Variants in AQP9 observed in about 807,000 individuals in gnomAD.
AQP9 encodes aquaporin-9.
In AQP9, 19 loss-of-function variants were observed where a neutral mutation model predicts 23.8. The observed-to-expected ratio is 0.80, with a 90% CI of 0.56 to 1.17. AQP9 has a LOEUF of 1.17. AQP9 is among the 50% of genes most tolerant of loss of function. AQP9 has a pLI of 0.00. For synonymous variants in AQP9, 153 were observed against 131.5 expected, an observed-to-expected ratio of 1.16 and a Z score of -1.12; for missense variants, 413 against 362.0, an observed-to-expected ratio of 1.14 and a Z score of -1.14.
At chr15:58,179,051 G>C in intron 4 of AQP9, 77 bp from the exon 5 acceptor site, 1 of 1,030,268 alleles carries the variant, frequency 9.7e-7, no homozygotes, top group Non-Finnish European at 1.5e-6. Flanking sequence ...TTGTAAAATA[G>C]TAAGAAGGGA....
At position 58,185,605 on chromosome 15, in the gene AQP9, A is replaced by G. The variant is rs1461629482; in HGVS notation, c.*1470A>G. On this transcript the variant is annotated 3_prime_UTR_variant, in exon 6 of 6. Coordinates refer to ENST00000219919, the MANE Select transcript of AQP9 (RefSeq NM_020980.5). ...ACATTCAGGGGATTTCCTCTGGCTC[A>G]GTCTTTTCCCCTTGAAGTTCTCTAA... 3 of 152,220 alleles carry G rather than the reference A, an allele frequency of 2.0e-5. No homozygotes were observed. The highest frequency in any genetic ancestry group is 4.4e-5 in the Non-Finnish European group (3 of 68,044). The allele number at this position is 152,220 out of a possible 1,614,324, so 9.4% of individuals were successfully genotyped here. A position where few individuals can be genotyped will look rare whatever the true frequency, so the allele number is the denominator to read the frequency against.
chr15:58,171,331 C>G (rs1197204131), intron 2 of AQP9, among the ~76,000 whole-genome samples: 4 of 152,130 alleles, frequency 2.6e-5, no homozygotes, highest in African/African-American at 9.7e-5. Flanking sequence ...TTGTGATCCA[C>G]CCAACTCAGC....
At chr15:58,171,055 G>A (rs182188664) in intron 2 of AQP9, among the ~76,000 whole-genome samples, 257 of 151,386 alleles carry the variant, frequency 1.7e-3, no homozygotes, top group African/African-American at 5.9e-3. Context: ...CTCCTGAGTA[G>A]CCAGGATCAC....
In AQP9 at chr15:58,175,017, C is replaced by A. The variant is rs146866709; in HGVS notation, c.476C>A (p.Ala159Glu). Residue 159 changes from alanine to glutamate, a missense_variant, in exon 4 of 6, where the codon GCG becomes GAG. By Grantham distance (107) the Ala-to-Glu change is moderately radical (BLOSUM62 -1). Transcript: ENST00000219919. ...ATYPAPYLSL[A>E]NAFADQVVAT... Reference sequence around the variant, plus strand: ...TACCCAGCTCCGTATCTATCTCTGGCGAACGCATTTGCAGATCAAGTAAGT... The same window carrying A: ...TACCCAGCTCCGTATCTATCTCTGGAGAACGCATTTGCAGATCAAGTAAGT... The A allele has an allele frequency of 1.2e-6, 2 of 1,613,492 alleles. No individual in the cohort carries two copies. The highest frequency in any genetic ancestry group is 1.7e-6 in the Non-Finnish European group (2 of 1,179,524).
At chr15:58,174,111 T>C (rs1462174486) in intron 3 of AQP9, among the ~76,000 whole-genome samples, 4 of 151,584 alleles carry the variant, frequency 2.6e-5, no homozygotes, top group African/African-American at 9.7e-5. Flanking sequence ...TAGGGATACC[T>C]CGTCTCTTCA....
At chr15:58,165,485 T>A (rs2899616) in intron 1 of AQP9, among the ~76,000 whole-genome samples, 2,493 of 152,270 alleles carry the variant, frequency 0.016, 40 homozygotes, top group Middle Eastern at 0.037. Flanking sequence ...CTAACCCCAT[T>A]TCTGCTGCTT....
Position 58,166,812 on chromosome 15 carries a change from A to T in AQP9, c.238+13A>T, listed in dbSNP as rs777479467. 5 of 1,612,796 alleles carry T rather than the reference A, an allele frequency of 3.1e-6. No homozygotes were observed. In the South Asian group the frequency reaches 5.5e-5, roughly 18 times the overall value. ...GGCGGTGTCTCTGGTAAGCAGTAGA[A>T]ATAATGAATGCTGCTCTTAATTCAG... On this transcript the variant is annotated intron_variant, in intron 2 of 5. Transcript: ENST00000219919.
chr15:58,180,864 T>C (rs8042354), intron 5 of AQP9, among the ~76,000 whole-genome samples: 5 of 152,132 alleles, frequency 3.3e-5, no homozygotes, highest in African/African-American at 9.7e-5. Flanking sequence ...AATTCTCTCC[T>C]AGAATGATCA....
Position 58,179,168 on chromosome 15 carries a change from T to C in AQP9, c.536T>C (p.Ile179Thr), listed in dbSNP as rs149268817. 26 of 1,613,740 alleles carry C rather than the reference T, an allele frequency of 1.6e-5. No individual in the cohort carries two copies. The highest frequency in any genetic ancestry group is 2.1e-5 in the Non-Finnish European group (25 of 1,179,746). ...ATACTCCTCATAATCGTCTTTGCCATCTTTGACTCCAGAAACTTGGGAGCC... is the reference window on the plus strand; with the variant it reads ...ATACTCCTCATAATCGTCTTTGCCACCTTTGACTCCAGAAACTTGGGAGCC... The part of the protein sequence containing the change: ...TMILLIIVFA[I>T]FDSRNLGAPR... Residue 179 changes from isoleucine to threonine, a missense_variant, in exon 5 of 6, where the codon ATC (isoleucine) becomes ACC (threonine). Coordinates refer to ENST00000219919, the MANE Select transcript of AQP9 (RefSeq NM_020980.5).
chr15:58,142,608 G>A (rs1897970780), intron 1 of AQP9, among the ~76,000 whole-genome samples: 1 of 152,142 alleles, frequency 6.6e-6, no homozygotes, highest in Non-Finnish European at 1.5e-5. Flanking sequence ...CATTGACCAA[G>A]CATTGCACTG....
At chr15:58,141,874 T>C (rs1470207543) in intron 1 of AQP9, among the ~76,000 whole-genome samples, 1 of 152,202 alleles carries the variant, frequency 6.6e-6, no homozygotes, top group Non-Finnish European at 1.5e-5. Flanking sequence ...AAAGAATCTA[T>C]GGTCAGGATT....
chr15:58,150,789 T>C (rs1898134172), intron 1 of AQP9: 1 of 152,232 alleles, frequency 6.6e-6, no homozygotes, highest in African/African-American at 2.4e-5. Flanking sequence ...AAATTCTTCC[T>C]AGTGGTCACC....
At position 58,179,379 on chromosome 15, in the gene AQP9, G is replaced by C. The variant is rs767125849; in HGVS notation, c.713+34G>C. ...CAGTGGTGGGGAAGAGAGAGACAGAGTCATGCTGCGCCTCACCAGTGGGGC... is the reference window on the plus strand; with the variant it reads ...CAGTGGTGGGGAAGAGAGAGACAGACTCATGCTGCGCCTCACCAGTGGGGC... On this transcript the variant is annotated intron_variant, in intron 5 of 5. Coordinates refer to ENST00000219919, the MANE Select transcript of AQP9 (RefSeq NM_020980.5). 7 of 1,570,368 alleles carry C rather than the reference G, an allele frequency of 4.5e-6. No homozygotes were observed. The Admixed American group carries it at 1.3e-4, about 28-fold the overall frequency.
At chr15:58,159,462 G>C (rs1898328938) in intron 1 of AQP9, among the ~76,000 whole-genome samples, 1 of 152,020 alleles carries the variant, frequency 6.6e-6, no homozygotes, top group African/African-American at 2.4e-5. Context: ...AATCAAATCA[G>C]TGTGATTGGG....
intron 1 of AQP9, among the ~76,000 whole-genome samples, chr15:58,157,752 C>T (rs1235122665): frequency 6.6e-6 from 1 of 152,148 alleles, no homozygotes; most frequent in Non-Finnish European, 1.5e-5. Flanking sequence ...GGTGCTTGAT[C>T]ATCTAACGGA....
At chr15:58,174,714 CA>C (rs1297353822) in intron 3 of AQP9, among the ~76,000 whole-genome samples, 24 of 152,194 alleles carry the variant, frequency 1.6e-4, no homozygotes, top group African/African-American at 5.3e-4. Flanking sequence ...TCAGAGAGGC[CA>C]AAGGCCTTCT....
intron 1 of AQP9, among the ~76,000 whole-genome samples, chr15:58,160,338 G>A (rs1595735178): frequency 6.6e-6 from 1 of 151,960 alleles, no homozygotes; most frequent in East Asian, 1.9e-4. Flanking sequence ...TTTAAAATCA[G>A]ATTATTTGGA....
At chr15:58,148,861 A>G (rs1409178166) in intron 1 of AQP9, among the ~76,000 whole-genome samples, 1 of 152,084 alleles carries the variant, frequency 6.6e-6, no homozygotes. Flanking sequence ...GAGGCTGGCC[A>G]TGTTCCCATT....
intron 1 of AQP9, among the ~76,000 whole-genome samples, chr15:58,158,075 G>A (rs10444840): frequency 0.36 from 55,308 of 151,982 alleles, 11,214 homozygotes; most frequent in Middle Eastern, 0.52. Context: ...GACACATCTG[G>A]TTTACAAATG....
Sources: gnomAD v4.1 joint callset for allele counts (sites outside exome capture counted in the v4.1 genomes callset) on GRCh38, gnomAD v4.1.1 for gene constraint, MANE v1.5 for transcripts, NCBI Gene and HGNC (gene_info 2026-07-23, HGNC 2026-07-21) for gene names.